The following RASSF4 variants were observed in gnomAD, a reference collection of about 807,000 sequenced individuals.
RASSF4 encodes ras association domain-containing protein 4.
A neutral mutation model predicts 41.1 loss-of-function variants in RASSF4; 38 were observed. The ratio of observed to expected loss-of-function variants is 0.92; its 90% confidence interval spans 0.71 to 1.21. The LOEUF (loss-of-function observed/expected upper bound fraction) is 1.21, where lower values mean the gene tolerates loss of function less well. Ranked by LOEUF, RASSF4 falls within the 50% of genes most tolerant of loss-of-function variation. The pLI is 0.00. For missense variants in RASSF4, 414 were observed against 419.4 expected (o/e 0.99, Z 0.11); for synonymous variants, 179 against 163.4 (o/e 1.10, Z -0.73).
chr10:44,980,917 G>A (rs1359826617), intron 3 of RASSF4: 2 of 152,226 alleles, frequency 1.3e-5, no homozygotes, highest in Admixed American at 1.3e-4. Flanking sequence ...ATCTGTGCTT[G>A]TAGAGCACCA....
At chr10:44,990,700 C>G in intron 8 of RASSF4, 1 of 360,028 alleles carries the variant, frequency 2.8e-6, no homozygotes. Flanking sequence ...AAGAGCCTCA[C>G]TTGTATCTTC....
At chr10:44,992,463 G>A (rs1019794592) in intron 10 of RASSF4, among the ~76,000 whole-genome samples, 14 of 152,342 alleles carry the variant, frequency 9.2e-5, no homozygotes, top group Admixed American at 6.5e-4. Flanking sequence ...AGCCTCAGCC[G>A]ATGTTTTCAG....
At chr10:44,969,795 T>C (rs1326765883) in intron 1 of RASSF4, among the ~76,000 whole-genome samples, 1 of 152,140 alleles carries the variant, frequency 6.6e-6, no homozygotes, top group East Asian at 1.9e-4. Flanking sequence ...CCAGGGTAGC[T>C]CTGGAGGATT....
chr10:44,991,367 A>C (rs1842106194), intron 9 of RASSF4: 3 of 293,810 alleles, frequency 1.0e-5, no homozygotes, highest in Non-Finnish European at 1.9e-5. Context: ...TGTTGTCATT[A>C]TGTGAGAGAC....
intron 6 of RASSF4, among the ~76,000 whole-genome samples, chr10:44,988,844 A>G (rs1405003947): frequency 9.2e-5 from 14 of 152,344 alleles, no homozygotes; most frequent in Admixed American, 8.5e-4. Context: ...CAAGCTGGGA[A>G]GCTGATATGG....
chr10:44,982,947 G>T, intron 4 of RASSF4: 3 of 668,452 alleles, frequency 4.5e-6, no homozygotes, highest in Non-Finnish European at 8.5e-6. Context: ...ACAGCCAGGG[G>T]GGCTCCCAAC....
chr10:44,982,850 C>T lies in RASSF4; in HGVS notation c.281+187C>T, dbSNP rs183346025. 1,098 of 713,362 alleles carry T rather than the reference C, an allele frequency of 1.5e-3. 7 individuals carry two copies. In the African/African-American group the frequency reaches 0.017, roughly 11 times the overall value. 44.2% of individuals were successfully genotyped at this position (713,362 alleles called of 1,614,324 possible). On this transcript the variant is annotated intron_variant, in intron 4 of 10. Transcript: ENST00000340258. ...CGCCCAGGGTGGCCTCTCCCTCCTT[C>T]CTGGAGAACATTCCAGGCTCCCATG...
At chr10:44,988,288 G>T (rs1323977042) in intron 6 of RASSF4, among the ~76,000 whole-genome samples, 2 of 152,154 alleles carry the variant, frequency 1.3e-5, no homozygotes, top group Non-Finnish European at 2.9e-5. Flanking sequence ...GCCTCAAAGG[G>T]TTGTTATGAA....
intron 6 of RASSF4, 85 bp from the exon 7 acceptor site, chr10:44,989,189 T>A: frequency 1.2e-6 from 1 of 800,116 alleles, no homozygotes. Context: ...CAGCGTCACC[T>A]GCTGCCTTGG....
At chr10:44,982,097 C>A in intron 3 of RASSF4, 1 of 259,402 alleles carries the variant, frequency 3.9e-6, no homozygotes, top group Non-Finnish European at 7.5e-6. Flanking sequence ...GGTGTGGGAC[C>A]CTGCCGGGCC....
chr10:44,961,574 C>T (rs914970760), intron 1 of RASSF4, among the ~76,000 whole-genome samples: 1 of 152,256 alleles, frequency 6.6e-6, no homozygotes, highest in Non-Finnish European at 1.5e-5. Flanking sequence ...ATCTCTGGGG[C>T]TCCACAGTCT....
In RASSF4 at chr10:44,965,426, A is replaced by G. The variant is rs186932171; in HGVS notation, c.-38-4739A>G. Among the ~76,000 whole-genome samples, 279 of 152,294 alleles carry G rather than the reference A, an allele frequency of 1.8e-3. 1 individual carries two copies. Among genetic ancestry groups the G allele is most frequent in the African/African-American group, 5.4e-3 (224 of 41,560 alleles). On this transcript the variant is annotated intron_variant, in intron 1 of 10. Transcript: ENST00000340258. ...AGATGCAAATTTTCCCACTGAAGACACTCTGCTAGCCACTTCTTTCAGGAT... is the reference window on the plus strand; with the variant it reads ...AGATGCAAATTTTCCCACTGAAGACGCTCTGCTAGCCACTTCTTTCAGGAT...
At chr10:44,986,565 T>TCAAGGA (rs374953624) in intron 6 of RASSF4, among the ~76,000 whole-genome samples, 35 of 152,346 alleles carry the variant, frequency 2.3e-4, no homozygotes, top group African/African-American at 8.4e-4. Flanking sequence ...AGTACTGCTT[T>TCAAGGA]CAAGGACACA....
chr10:44,982,372 G>GT (rs1564462479), intron 3 of RASSF4, 149 bp from the exon 4 acceptor site: 3 of 943,818 alleles, frequency 3.2e-6, no homozygotes, highest in South Asian at 2.8e-5. Flanking sequence ...CCCAGGGCAC[G>GT]TAGTGGCTGA....
chr10:44,961,440 T>C (rs903253651), intron 1 of RASSF4, among the ~76,000 whole-genome samples: 2 of 152,216 alleles, frequency 1.3e-5, no homozygotes, highest in Non-Finnish European at 2.9e-5. Context: ...AGGGGAGACC[T>C]AACTAGGGGA....
At chr10:44,991,763 G>A in intron 9 of RASSF4, 142 bp from the exon 10 acceptor site, 1 of 620,608 alleles carries the variant, frequency 1.6e-6, no homozygotes, top group Non-Finnish European at 2.9e-6. Flanking sequence ...ACAGCAGTGT[G>A]GGGGTGGGGT....
rs374141070 is a variant in RASSF4 at position 44,989,276 on chromosome 10, C to G, written c.534C>G (p.Thr178=). The G allele has an allele frequency of 6.2e-6, 10 of 1,609,328 alleles. No homozygotes were observed. The highest frequency in any genetic ancestry group is 8.5e-6 in the Non-Finnish European group (10 of 1,175,964). Reference sequence around the variant, plus strand: ...ACTTCTCTCCCTTCCTGGTACAGACCTCCGTGTTTACTCCAGCCTATGGAT... The same window carrying G: ...ACTTCTCTCCCTTCCTGGTACAGACGTCCGTGTTTACTCCAGCCTATGGAT... ...SINGHFYNHK[T]SVFTPAYGSV... The change falls in exon 7 of 11, where the codon ACC becomes ACG. Residue 178 remains threonine, a splice_region_variant and synonymous_variant. Transcript: ENST00000340258.
chr10:44,969,132 G>A (rs1841038033), intron 1 of RASSF4, among the ~76,000 whole-genome samples: 1 of 151,560 alleles, frequency 6.6e-6, no homozygotes, highest in Non-Finnish European at 1.5e-5. Flanking sequence ...GTGTGTGTAT[G>A]TATGTGTGTG....
intron 3 of RASSF4, among the ~76,000 whole-genome samples, chr10:44,975,440 C>T (rs1199752582): frequency 6.2e-5 from 8 of 128,152 alleles, no homozygotes; most frequent in Non-Finnish European, 1.2e-4. Context: ...ACCTTCCACC[C>T]CCACCCCCAC....
Sources: gnomAD v4.1 joint callset for allele counts (sites outside exome capture counted in the v4.1 genomes callset) on GRCh38, gnomAD v4.1.1 for gene constraint, MANE v1.5 for transcripts, NCBI Gene and HGNC (gene_info 2026-07-23, HGNC 2026-07-21) for gene names.